HAUS6: variants seen among roughly 807,000 people sequenced by gnomAD.
HAUS6 encodes the protein HAUS augmin-like complex subunit 6.
HAUS6 carries 80 observed loss-of-function variants against 106.8 expected under a neutral mutation model. The ratio of observed to expected loss-of-function variants is 0.75; its 90% confidence interval spans 0.63 to 0.90. HAUS6 has a LOEUF of 0.90. HAUS6 is among the 40% of genes least tolerant of loss of function. The pLI is 0.00. For missense variants in HAUS6, 1,155 were observed against 1,118.1 expected (o/e 1.03, Z -0.47); for synonymous variants, 356 against 379.1 (o/e 0.94, Z 0.71).
At position 19,054,673 on chromosome 9, in the gene HAUS6, G is replaced by C. The variant is rs1387524782; in HGVS notation, c.*1670C>G. 6.6e-6 allele frequency: 1 copy of C among 152,210 alleles called. No individual in the cohort carries two copies. 9.4% of individuals were successfully genotyped at this position (152,210 alleles called of 1,614,324 possible). ...CAGATAGTTACCAATCTCTACCCAA[G>C]TATATATGCAACAACGTACCTGCTT... On this transcript the variant is annotated 3_prime_UTR_variant, in exon 17 of 17. Coordinates refer to ENST00000380502, the MANE Select transcript of HAUS6 (RefSeq NM_017645.5).
intron 11 of HAUS6, among the ~76,000 whole-genome samples, chr9:19,070,783 T>C (rs1836867585): frequency 6.6e-6 from 1 of 152,178 alleles, no homozygotes; most frequent in Non-Finnish European, 1.5e-5. Flanking sequence ...GAAGAGTCAG[T>C]CTAGGAAAGG....
At chr9:19,102,277 G>C (rs1226690204) in intron 1 of HAUS6, among the ~76,000 whole-genome samples, 2 of 152,060 alleles carry the variant, frequency 1.3e-5, no homozygotes, top group African/African-American at 4.8e-5. Context: ...CTCCAGTCTT[G>C]CACTCTCCCC....
chr9:19,088,450 T>A (rs1817674373), intron 5 of HAUS6, among the ~76,000 whole-genome samples: 1 of 150,454 alleles, frequency 6.6e-6, no homozygotes, highest in South Asian at 2.1e-4. Flanking sequence ...ACTATGGCAA[T>A]ATGCAAAAAT....
Position 19,063,519 on chromosome 9 carries a change from C to A in HAUS6, c.1438G>T (p.Glu480Ter). 6.5e-7 allele frequency: 1 copy of A among 1,531,028 alleles called. No homozygotes were observed. Among genetic ancestry groups the A allele is most frequent in the Non-Finnish European group, 9.0e-7 (1 of 1,105,520 alleles). 94.8% of individuals were successfully genotyped at this position (1,531,028 alleles called of 1,614,324 possible). ...AGACTTATTTTAAAATATACCTTTT[C>A]AAGTACTGTAACACTGTTTCTATCT... ...SSDRNSVTVL[E>*]KDTKMGTPKE... Residue 480 changes from glutamate to a stop codon, truncating the protein, a stop_gained, in exon 13 of 17, where the codon GAA becomes TAA. Transcript: ENST00000380502. LOFTEE classifies it high-confidence loss of function.
intron 12 of HAUS6, among the ~76,000 whole-genome samples, chr9:19,065,485 T>C (rs1392004721): frequency 6.7e-6 from 1 of 149,544 alleles, no homozygotes; most frequent in Non-Finnish European, 1.5e-5. Context: ...AATTGGTTAA[T>C]ATGTTATTTA....
chr9:19,094,085 C>T (rs564539017), intron 3 of HAUS6, among the ~76,000 whole-genome samples: 3 of 152,260 alleles, frequency 2.0e-5, no homozygotes, highest in Non-Finnish European at 4.4e-5. Context: ...GTGCTATAAA[C>T]GCTCAGGAAC....
chr9:19,097,621 G>C (rs892569766), intron 1 of HAUS6, among the ~76,000 whole-genome samples: 1 of 152,106 alleles, frequency 6.6e-6, no homozygotes, highest in Non-Finnish European at 1.5e-5. Context: ...AAAGGATGTG[G>C]AGAAAGCACT....
At chr9:19,084,895 G>T (rs928618341) in intron 7 of HAUS6, among the ~76,000 whole-genome samples, 3 of 151,466 alleles carry the variant, frequency 2.0e-5, no homozygotes, top group Admixed American at 2.0e-4. Context: ...GCCTCCCAAA[G>T]TGCTCACAGG....
At chr9:19,076,532 A>C (rs1358761572) in intron 11 of HAUS6, 70 bp downstream of exon 11, 1 of 757,608 alleles carries the variant, frequency 1.3e-6, no homozygotes, top group African/African-American at 1.8e-5. Context: ...AATTTAAAGA[A>C]CTATTATTAT....
chr9:19,081,071 TCAAA>T (rs912475896), intron 8 of HAUS6, among the ~76,000 whole-genome samples: 15 of 148,318 alleles, frequency 1.0e-4, no homozygotes, highest in Admixed American at 8.1e-4. Context: ...AAACTCCATC[TCAAA>T]CAAACAAACA....
rs1260151500 is a variant in HAUS6 at position 19,055,669 on chromosome 9, T to C, written c.*674A>G. 12 of 152,238 alleles carry C rather than the reference T, an allele frequency of 7.9e-5. No homozygotes were observed. Among genetic ancestry groups the C allele is most frequent in the Admixed American group, 5.9e-4 (9 of 15,288 alleles). The allele number at this position is 152,238 out of a possible 1,614,324, so 9.4% of individuals were successfully genotyped here. A position where few individuals can be genotyped will look rare whatever the true frequency, so the allele number is the denominator to read the frequency against. On this transcript the variant is annotated 3_prime_UTR_variant, in exon 17 of 17. Coordinates refer to ENST00000380502, the MANE Select transcript of HAUS6 (RefSeq NM_017645.5). Reference sequence around the variant, plus strand: ...ATAGTTTGACAGTGTTCCTTGCAAGTGTCTACTCATCTTCCATCTTTTTCC... The same window carrying C: ...ATAGTTTGACAGTGTTCCTTGCAAGCGTCTACTCATCTTCCATCTTTTTCC...
intron 10 of HAUS6, among the ~76,000 whole-genome samples, chr9:19,077,475 C>T (rs1437311578): frequency 1.3e-5 from 2 of 151,950 alleles, no homozygotes; most frequent in Non-Finnish European, 2.9e-5. Context: ...GCAGAGGCTG[C>T]AGTGAGCTGA....
chr9:19,063,285 C>A, intron 13 of HAUS6, 92 bp from the exon 14 acceptor site: 1 of 839,236 alleles, frequency 1.2e-6, no homozygotes, highest in Non-Finnish European at 1.9e-6. Context: ...TATCATGAAC[C>A]TATAAAAGGT....
chr9:19,087,651 T>C (rs1366065613), intron 5 of HAUS6, among the ~76,000 whole-genome samples: 1 of 152,062 alleles, frequency 6.6e-6, no homozygotes, highest in Non-Finnish European at 1.5e-5. Context: ...GGCCAGGAGT[T>C]TGAGACCAGC....
chr9:19,082,288 T>C (rs1045127539), intron 8 of HAUS6, among the ~76,000 whole-genome samples: 1 of 152,216 alleles, frequency 6.6e-6, no homozygotes, highest in African/African-American at 2.4e-5. Context: ...CCTTTGAGAA[T>C]TTATAATGAA....
chr9:19,068,918 G>GA (rs1249620321), intron 12 of HAUS6, among the ~76,000 whole-genome samples: 2 of 152,136 alleles, frequency 1.3e-5, no homozygotes, highest in Admixed American at 1.3e-4. Context: ...ATTACTGGAG[G>GA]AAGTTAGAAC....
chr9:19,058,198 G>C lies in HAUS6; in HGVS notation c.2569C>G (p.Gln857Glu). The change falls in exon 16 of 17, where the codon CAA (glutamine) becomes GAA (glutamate). Residue 857 changes from glutamine to glutamate, a missense_variant. Physicochemically the swap from Gln to Glu is conservative, Grantham distance 29. Around this residue, in one of 3 missense-constraint regions of HAUS6, gnomAD observed 380 missense variants for 394.8 expected, o/e 0.96. Transcript: ENST00000380502. ...KREESYLSNS[Q>E]TPERHKPELS... ...TCTGGTTTGTGTCTTTCGGGTGTTT[G>C]GGAATTCGAGAGGTAAGATTCTTCC... 6.2e-7 allele frequency: 1 copy of C among 1,613,874 alleles called. No individual in the cohort carries two copies. The highest frequency in any genetic ancestry group is 8.5e-7 in the Non-Finnish European group (1 of 1,179,812).
rs544863790 is a variant in HAUS6 at position 19,102,445 on chromosome 9, T to A, written c.128+79A>T. The A allele has an allele frequency of 6.2e-6, 9 of 1,462,598 alleles. No homozygotes were observed. In the African/African-American group the frequency reaches 9.7e-5, roughly 16 times the overall value. The allele number at this position is 1,462,598 out of a possible 1,614,324, so 90.6% of individuals were successfully genotyped here. On this transcript the variant is annotated intron_variant, in intron 1 of 16. Transcript: ENST00000380502. ...CTCAACCAATTCTGATTAATCAACC[T>A]CCGGGGTCTACAAAAGGGGGAGTCC... is the stretch of plus-strand genomic sequence containing the variant.
At chr9:19,072,934 G>T (rs1836910289) in intron 11 of HAUS6, among the ~76,000 whole-genome samples, 1 of 151,858 alleles carries the variant, frequency 6.6e-6, no homozygotes, top group Non-Finnish European at 1.5e-5. Flanking sequence ...ACCCTCCCTG[G>T]ATCCTTGTTT....
Sources: gnomAD v4.1 joint callset for allele counts (sites outside exome capture counted in the v4.1 genomes callset) on GRCh38, gnomAD v4.1.1 for gene constraint, gnomAD v4.1.1 regional missense constraint, MANE v1.5 for transcripts, NCBI Gene and HGNC (gene_info 2026-07-23, HGNC 2026-07-21) for gene names.